The following HTR7 variants were observed in gnomAD, a reference collection of about 807,000 sequenced individuals.
HTR7 encodes the protein 5-hydroxytryptamine receptor 7, also known as 5-HT-7.
A neutral mutation model predicts 34.0 loss-of-function variants in HTR7; 16 were observed. That is an observed-to-expected ratio of 0.47 (90% CI 0.32 to 0.71). HTR7 has a LOEUF of 0.71. Ranked by LOEUF, HTR7 falls within the 30% of genes least tolerant of loss-of-function variation. The pLI is 0.04. For missense variants in HTR7, 504 were observed against 625.5 expected (o/e 0.81, Z 2.07); for synonymous variants, 265 against 260.2 (o/e 1.02, Z -0.18).
At chr10:90,772,162 A>T (rs1380745375) in intron 1 of HTR7, among the ~76,000 whole-genome samples, 2 of 152,154 alleles carry the variant, frequency 1.3e-5, no homozygotes, top group Non-Finnish European at 2.9e-5. Context: ...TCATAGCAGC[A>T]TAATTTTTAC....
chr10:90,830,121 T>C (rs1306917909), intron 1 of HTR7, among the ~76,000 whole-genome samples: 1 of 152,224 alleles, frequency 6.6e-6, no homozygotes, highest in Non-Finnish European at 1.5e-5. Flanking sequence ...GTTTATCTTG[T>C]GCCAGTATAC....
At chr10:90,808,510 T>C (rs907286416) in intron 1 of HTR7, among the ~76,000 whole-genome samples, 2 of 151,868 alleles carry the variant, frequency 1.3e-5, no homozygotes, top group African/African-American at 4.8e-5. Flanking sequence ...ACCTCTTATA[T>C]CTCTGTGCTC....
chr10:90,838,106 A>G (rs1191786267), intron 1 of HTR7, among the ~76,000 whole-genome samples: 1 of 152,144 alleles, frequency 6.6e-6, no homozygotes, highest in Non-Finnish European at 1.5e-5. Flanking sequence ...ATCATTTACA[A>G]TCACAACCAA....
intron 1 of HTR7, among the ~76,000 whole-genome samples, chr10:90,826,543 C>G (rs1176259089): frequency 6.6e-6 from 1 of 152,134 alleles, no homozygotes; most frequent in Non-Finnish European, 1.5e-5. Flanking sequence ...TTTTAAGGCA[C>G]AGACAGTACT....
rs769942525 is a variant in HTR7 at position 90,749,098 on chromosome 10, G to T, written c.1036C>A (p.Leu346Ile). The T allele has an allele frequency of 1.2e-6, 2 of 1,614,182 alleles. No homozygotes were observed. Among genetic ancestry groups the T allele is most frequent in the Non-Finnish European group, 1.7e-6 (2 of 1,180,028 alleles). Reference sequence around the variant, plus strand: ...CAGATGAAGGGTCTGGCTGTCGAGAGGAGGAAAAATGGCAGCCAGCACACG... The same window carrying T: ...CAGATGAAGGGTCTGGCTGTCGAGATGAGGAAAAATGGCAGCCAGCACACG... ...FTVCWLPFFL[L>I]STARPFICGT... Residue 346 changes from leucine to isoleucine, a missense_variant, in exon 2 of 4, where the codon CTC becomes ATC. Physicochemically the swap from Leu to Ile is conservative, Grantham distance 5 (BLOSUM62 2). Coordinates refer to ENST00000336152, the MANE Select transcript of HTR7 (RefSeq NM_019859.4). This position sits in a 1 kb window ranked among gnomAD's most constrained non-coding sequence, Gnocchi z 4.2.
Position 90,857,796 on chromosome 10 carries a change from G to T in HTR7, c.-125C>A. ...CCCAGCCATGGGGCCCGCGCCGACC[G>T]CTGGGGGGCGCCTGGCTCTGTCTCG... On this transcript the variant is annotated 5_prime_UTR_variant, in exon 1 of 4. Transcript: ENST00000336152. This position sits in a 1 kb window ranked among gnomAD's most constrained non-coding sequence, Gnocchi z 6.5. The T allele has an allele frequency of 1.1e-6, 1 of 906,884 alleles. No homozygotes were observed. Among genetic ancestry groups the T allele is most frequent in the Non-Finnish European group, 1.5e-6 (1 of 681,998 alleles). The allele number at this position is 906,884 out of a possible 1,614,324, so 56.2% of individuals were successfully genotyped here. A position where few individuals can be genotyped will look rare whatever the true frequency, so the allele number is the denominator to read the frequency against.
rs759104365 is a variant in HTR7 at position 90,857,615 on chromosome 10, G to T, written c.57C>A (p.Phe19Leu). Reference sequence around the variant, plus strand: ...GCCCGCGCCCCACTTCTGGCAGAAGGAAAGAGCGGAGGTGCCCGTAGAGGT... The same window carrying T: ...GCCCGCGCCCCACTTCTGGCAGAAGTAAAGAGCGGAGGTGCCCGTAGAGGT... ...RPDLYGHLRS[F>L]LLPEVGRGLP... Residue 19 changes from phenylalanine (F) to leucine (L), a missense_variant, in exon 1 of 4, where the codon TTC (phenylalanine) becomes TTA (leucine). Physicochemically the swap from Phe to Leu is conservative, Grantham distance 22 (BLOSUM62 0). Around this residue, in one of 4 missense-constraint regions of HTR7, gnomAD observed 139 missense variants for 117.1 expected, o/e 1.19. Coordinates refer to ENST00000336152, the MANE Select transcript of HTR7 (RefSeq NM_019859.4). This position sits in a 1 kb window ranked among gnomAD's most constrained non-coding sequence, Gnocchi z 6.5. 6.3e-7 allele frequency: 1 copy of T among 1,599,642 alleles called. No individual in the cohort carries two copies. Among genetic ancestry groups the T allele is most frequent in the Non-Finnish European group, 8.5e-7 (1 of 1,175,558 alleles).
chr10:90,840,380 C>A (rs1417057595), intron 1 of HTR7, among the ~76,000 whole-genome samples: 1 of 152,040 alleles, frequency 6.6e-6, no homozygotes, highest in Non-Finnish European at 1.5e-5. Flanking sequence ...AATAAAAGTG[C>A]CTGGAATGAC....
At chr10:90,792,548 T>C (rs571904964) in intron 1 of HTR7, among the ~76,000 whole-genome samples, 2 of 152,222 alleles carry the variant, frequency 1.3e-5, no homozygotes, top group South Asian at 4.1e-4. Context: ...TTTTTATAAG[T>C]TGTAAAGAGA....
chr10:90,853,220 G>A (rs997107668), intron 1 of HTR7, among the ~76,000 whole-genome samples: 8 of 149,826 alleles, frequency 5.3e-5, no homozygotes, highest in Middle Eastern at 3.5e-3. Context: ...TTCCCTAAAT[G>A]ATATGTAAAA....
intron 1 of HTR7, among the ~76,000 whole-genome samples, chr10:90,810,062 G>A (rs1845779862): frequency 6.6e-6 from 1 of 152,108 alleles, no homozygotes; most frequent in Admixed American, 6.5e-5. Context: ...CTCCATAACT[G>A]TTGTGGGTAT....
chr10:90,768,736 G>A (rs139678859), intron 1 of HTR7, among the ~76,000 whole-genome samples: 253 of 152,106 alleles, frequency 1.7e-3, no homozygotes, highest in Non-Finnish European at 2.3e-3. Flanking sequence ...TGGGATAAAT[G>A]AATTCAAATG....
At chr10:90,823,225 C>A (rs960858179) in intron 1 of HTR7, among the ~76,000 whole-genome samples, 9 of 152,224 alleles carry the variant, frequency 5.9e-5, no homozygotes, top group African/African-American at 2.2e-4. Flanking sequence ...GCTCTCAACA[C>A]CAGCCCATAA....
chr10:90,806,218 T>C (rs1020627063), intron 1 of HTR7, among the ~76,000 whole-genome samples: 10 of 151,996 alleles, frequency 6.6e-5, no homozygotes, highest in Non-Finnish European at 1.5e-4. Flanking sequence ...ATTAAATGGA[T>C]AGAAAGAGAA....
chr10:90,857,645 G>A lies in HTR7; in HGVS notation c.27C>T (p.Arg9=). The change falls in exon 1 of 4, where the codon CGC becomes CGT. Residue 9 remains arginine, a synonymous_variant. Coordinates refer to ENST00000336152, the MANE Select transcript of HTR7 (RefSeq NM_019859.4). This position sits in a 1 kb window ranked among gnomAD's most constrained non-coding sequence, Gnocchi z 6.5. MMDVNSSG[R]PDLYGHLRSF... ...AGCGGAGGTGCCCGTAGAGGTCCGGGCGGCCGCTGCTGTTAACGTCCATCA... is the reference window on the plus strand; with the variant it reads ...AGCGGAGGTGCCCGTAGAGGTCCGGACGGCCGCTGCTGTTAACGTCCATCA... 8 of 1,591,428 alleles carry A rather than the reference G, an allele frequency of 5.0e-6. No homozygotes were observed. Among genetic ancestry groups the A allele is most frequent in the Middle Eastern group, 2.2e-4 (1 of 4,502 alleles).
chr10:90,831,022 G>T (rs1158878107), intron 1 of HTR7, among the ~76,000 whole-genome samples: 2 of 152,108 alleles, frequency 1.3e-5, no homozygotes, highest in Non-Finnish European at 2.9e-5. Context: ...TCTCTATACC[G>T]TGGTTTTCTC....
At chr10:90,811,610 C>T (rs1845810838) in intron 1 of HTR7, among the ~76,000 whole-genome samples, 1 of 152,054 alleles carries the variant, frequency 6.6e-6, no homozygotes, top group Non-Finnish European at 1.5e-5. Context: ...GAAATCTATC[C>T]TCGAGGAAAT....
At chr10:90,744,273 G>C (rs1194309362) in intron 2 of HTR7, among the ~76,000 whole-genome samples, 1 of 149,692 alleles carries the variant, frequency 6.7e-6, no homozygotes, top group East Asian at 2.0e-4. Context: ...CAGCACACTA[G>C]ATTAAAAGCT....
intron 1 of HTR7, among the ~76,000 whole-genome samples, chr10:90,775,037 T>C (rs1274171603): frequency 6.6e-6 from 1 of 152,206 alleles, no homozygotes; most frequent in Non-Finnish European, 1.5e-5. Context: ...AGATGAGATA[T>C]GCCGTTGGGT....
Sources: gnomAD v4.1 joint callset for allele counts (sites outside exome capture counted in the v4.1 genomes callset) on GRCh38, gnomAD v4.1.1 for gene constraint, gnomAD v4.1.1 regional missense constraint, Gnocchi (gnomAD v3.1) non-coding constraint, MANE v1.5 for transcripts, NCBI Gene and HGNC (gene_info 2026-07-23, HGNC 2026-07-21) for gene names.